Variants in ANKRD6 observed in about 807,000 individuals in gnomAD.
The protein encoded by ANKRD6 is ankyrin repeat domain 6.
A neutral mutation model predicts 82.3 loss-of-function variants in ANKRD6; 56 were observed. The observed-to-expected ratio is 0.68, with a 90% CI of 0.55 to 0.85. The LOEUF (loss-of-function observed/expected upper bound fraction) is 0.85. Ranked by LOEUF, ANKRD6 falls within the 40% of genes least tolerant of loss-of-function variation. ANKRD6 has a pLI of 0.00. For synonymous variants in ANKRD6, 347 were observed against 352.1 expected, an observed-to-expected ratio of 0.99 and a Z score of 0.16; for missense variants, 852 against 907.6, an observed-to-expected ratio of 0.94 and a Z score of 0.79.
At chr6:89,616,467 T>C in intron 7 of ANKRD6, 92 bp from the exon 8 acceptor site, 1 of 1,211,164 alleles carries the variant, frequency 8.3e-7, no homozygotes, top group Admixed American at 1.9e-5. Context: ...TCAGTTTGAC[T>C]TTGAAGAGCC....
intron 1 of ANKRD6, among the ~76,000 whole-genome samples, chr6:89,440,609 C>T (rs1354452762): frequency 6.6e-6 from 1 of 152,080 alleles, no homozygotes; most frequent in Admixed American, 6.6e-5. Flanking sequence ...GGTAGCATAT[C>T]CTGATACTTT....
At chr6:89,580,695 C>A (rs1023586025) in intron 2 of ANKRD6, among the ~76,000 whole-genome samples, 3 of 152,070 alleles carry the variant, frequency 2.0e-5, no homozygotes, top group Non-Finnish European at 2.9e-5. Context: ...GGCAGGGGAG[C>A]AGTGGAAACG....
chr6:89,545,085 C>T (rs543352606), intron 1 of ANKRD6, among the ~76,000 whole-genome samples: 2 of 151,794 alleles, frequency 1.3e-5, no homozygotes, highest in South Asian at 2.1e-4. Context: ...TGGTGGCGGG[C>T]GCCTGTAGTT....
chr6:89,618,926 G>C (rs1272870265), intron 9 of ANKRD6, among the ~76,000 whole-genome samples: 5 of 152,164 alleles, frequency 3.3e-5, no homozygotes, highest in African/African-American at 1.2e-4. Flanking sequence ...ACACTGATTG[G>C]CTTTCCATCT....
chr6:89,525,063 G>A (rs1011340599), intron 1 of ANKRD6, among the ~76,000 whole-genome samples: 9 of 151,980 alleles, frequency 5.9e-5, no homozygotes, highest in African/African-American at 1.9e-4. Flanking sequence ...GGGAGCTGAG[G>A]CTGATGGATC....
chr6:89,446,306 C>A (rs967029178), intron 1 of ANKRD6, among the ~76,000 whole-genome samples: 1 of 151,896 alleles, frequency 6.6e-6, no homozygotes, highest in Non-Finnish European at 1.5e-5. Flanking sequence ...GAGTCAAGAT[C>A]GTGCCATTGC....
chr6:89,434,899 A>G (rs766160194), intron 1 of ANKRD6, among the ~76,000 whole-genome samples: 1 of 152,224 alleles, frequency 6.6e-6, no homozygotes, highest in Non-Finnish European at 1.5e-5. Flanking sequence ...GGGGAAGGGT[A>G]GAAGAGGGAT....
chr6:89,524,266 C>G (rs1183725155), intron 1 of ANKRD6, among the ~76,000 whole-genome samples: 2 of 152,178 alleles, frequency 1.3e-5, no homozygotes, highest in African/African-American at 4.8e-5. Flanking sequence ...GCAGTATACA[C>G]TGTACCCAGT....
intron 1 of ANKRD6, among the ~76,000 whole-genome samples, chr6:89,557,450 C>T (rs186353451): frequency 6.6e-6 from 1 of 152,182 alleles, no homozygotes; most frequent in African/African-American, 2.4e-5. Flanking sequence ...GAGAATGGCT[C>T]ACAGGAACCA....
intron 1 of ANKRD6, among the ~76,000 whole-genome samples, chr6:89,498,450 G>T (rs1375939446): frequency 1.3e-5 from 2 of 151,950 alleles, no homozygotes; most frequent in African/African-American, 4.8e-5. Flanking sequence ...TATCTGCTAG[G>T]TCTGTAATAT....
intron 1 of ANKRD6, among the ~76,000 whole-genome samples, chr6:89,447,950 G>A (rs1772314615): frequency 6.6e-6 from 1 of 151,642 alleles, no homozygotes; most frequent in African/African-American, 2.4e-5. Flanking sequence ...GCCTCCCAGA[G>A]TGCTGGGATT....
chr6:89,592,111 T>G (rs551262707), intron 2 of ANKRD6, among the ~76,000 whole-genome samples: 236 of 152,262 alleles, frequency 1.5e-3, no homozygotes, highest in African/African-American at 5.5e-3. Flanking sequence ...AAAATGGAAG[T>G]GGACAAGAGG....
chr6:89,494,957 G>A (rs530348247), intron 1 of ANKRD6, among the ~76,000 whole-genome samples: 12 of 152,296 alleles, frequency 7.9e-5, no homozygotes, highest in Admixed American at 1.3e-4. Flanking sequence ...AGCCAAGGCC[G>A]GGCACGGTGG....
intron 1 of ANKRD6, among the ~76,000 whole-genome samples, chr6:89,440,734 G>C (rs7748220): frequency 0.056 from 8,530 of 151,814 alleles, 279 homozygotes; most frequent in South Asian, 0.14. Flanking sequence ...GTTTGAGGTT[G>C]CAGTGCAATA....
At chr6:89,487,626 GA>G (rs1259413850) in intron 1 of ANKRD6, among the ~76,000 whole-genome samples, 18 of 152,294 alleles carry the variant, frequency 1.2e-4, no homozygotes, top group Non-Finnish European at 2.1e-4. Flanking sequence ...GCATTATTAT[GA>G]AAATGAATTA....
At chr6:89,616,503 TG>T in intron 7 of ANKRD6, 55 bp from the exon 8 acceptor site, 1 of 1,552,200 alleles carries the variant, frequency 6.4e-7, no homozygotes, top group South Asian at 1.1e-5. Flanking sequence ...AATGAAAAGC[TG>T]GGGGCTGTAG....
chr6:89,625,251 C>T (rs1056081707), intron 13 of ANKRD6, among the ~76,000 whole-genome samples: 14 of 151,828 alleles, frequency 9.2e-5, no homozygotes, highest in Admixed American at 3.3e-4. Flanking sequence ...CCAGTGCACT[C>T]CAGCCTGGGT....
chr6:89,511,452 A>G (rs16881914), intron 1 of ANKRD6, among the ~76,000 whole-genome samples: 23,213 of 152,228 alleles, frequency 0.15, 2,023 homozygotes, highest in South Asian at 0.34. Flanking sequence ...TAAGACTACA[A>G]GGAGGCAAGA....
In ANKRD6 at chr6:89,616,543, T is replaced by G. The variant is rs760269754; in HGVS notation, c.616-16T>G. 2 of 1,613,660 alleles carry G rather than the reference T, an allele frequency of 1.2e-6. No homozygotes were observed. Among genetic ancestry groups the G allele is most frequent in the Non-Finnish European group, 1.7e-6 (2 of 1,179,568 alleles). On this transcript the variant is annotated splice_polypyrimidine_tract_variant and intron_variant, in intron 7 of 15. Coordinates refer to ENST00000339746, the MANE Select transcript of ANKRD6 (RefSeq NM_001242809.2). ...ATGAGCAGATGAGGTTTAGCAGACC[T>G]TCTAATCAATTCCAGGCTGGAGACA...
Sources: allele counts gnomAD v4.1 joint callset (sites outside exome capture counted in the v4.1 genomes callset), GRCh38; gene constraint gnomAD v4.1.1; transcripts MANE v1.5; gene names NCBI Gene and HGNC (gene_info 2026-07-23, HGNC 2026-07-21).